ROBO2: variants seen among roughly 807,000 people sequenced by gnomAD.
ROBO2 encodes the protein roundabout homolog 2.
A neutral mutation model predicts 160.8 loss-of-function variants in ROBO2; 53 were observed. The ratio of observed to expected loss-of-function variants is 0.33; its 90% confidence interval spans 0.26 to 0.41. ROBO2 has a LOEUF of 0.41. Ranked by LOEUF, ROBO2 falls within the 10% of genes least tolerant of loss-of-function variation. The pLI, the probability that ROBO2 is intolerant of heterozygous loss-of-function variation, is 1.00. For missense variants in ROBO2, 1,577 were observed against 1,722.4 expected (o/e 0.92, Z 1.49); for synonymous variants, 664 against 611.7 (o/e 1.09, Z -1.26).
At chr3:76,076,999 G>A (rs942696646) in intron 2 of ROBO2, among the ~76,000 whole-genome samples, 1 of 152,074 alleles carries the variant, frequency 6.6e-6, no homozygotes, top group Non-Finnish European at 1.5e-5. Context: ...TTTAATTCGG[G>A]CTCTACTTCT....
intron 2 of ROBO2, among the ~76,000 whole-genome samples, chr3:77,259,412 G>A (rs2058637790): frequency 6.6e-6 from 1 of 152,120 alleles, no homozygotes; most frequent in Non-Finnish European, 1.5e-5. Context: ...TAAAATAGTG[G>A]TTGAATGAAT....
chr3:76,874,857 A>G (rs2072528868), intron 2 of ROBO2, among the ~76,000 whole-genome samples: 2 of 152,232 alleles, frequency 1.3e-5, no homozygotes, highest in Admixed American at 6.5e-5. Context: ...AGCCTAGACA[A>G]GAACACAGAT....
At chr3:77,491,252 A>C (rs2086070350) in intron 4 of ROBO2, among the ~76,000 whole-genome samples, 1 of 152,178 alleles carries the variant, frequency 6.6e-6, no homozygotes, top group African/African-American at 2.4e-5. Flanking sequence ...TAGCTTGTTC[A>C]TCCCAGTGTC....
At chr3:77,020,011 T>A (rs1346310641) in intron 2 of ROBO2, among the ~76,000 whole-genome samples, 1 of 152,192 alleles carries the variant, frequency 6.6e-6, no homozygotes, top group Non-Finnish European at 1.5e-5. Flanking sequence ...TGAGACACTG[T>A]ATATGATATG....
At chr3:77,116,958 A>G (rs1011877217) in intron 2 of ROBO2, among the ~76,000 whole-genome samples, 1 of 152,188 alleles carries the variant, frequency 6.6e-6, no homozygotes, top group African/African-American at 2.4e-5. Context: ...TTCAACAATA[A>G]CATGCTCAGC....
At chr3:76,065,039 G>A (rs1254216803) in intron 2 of ROBO2, among the ~76,000 whole-genome samples, 2 of 151,908 alleles carry the variant, frequency 1.3e-5, no homozygotes, top group Non-Finnish European at 2.9e-5. Context: ...CATATATAAG[G>A]AAATAGATAA....
intron 2 of ROBO2, among the ~76,000 whole-genome samples, chr3:77,272,365 G>A (rs1392475862): frequency 1.3e-5 from 2 of 152,164 alleles, no homozygotes; most frequent in African/African-American, 2.4e-5. Flanking sequence ...GGCAGAAGGT[G>A]AAGGGGAAGC....
At chr3:77,328,363 C>T (rs1228413546) in intron 2 of ROBO2, among the ~76,000 whole-genome samples, 1 of 152,186 alleles carries the variant, frequency 6.6e-6, no homozygotes, top group East Asian at 1.9e-4. Flanking sequence ...ACACAGAACA[C>T]AGTTTGCTAT....
chr3:77,546,290 T>G lies in ROBO2; in HGVS notation c.935-48T>G, dbSNP rs138063825. The G allele has an allele frequency of 1.1e-3, 1,692 of 1,603,688 alleles. 16 individuals are homozygous for G. In the African/African-American group the frequency reaches 0.021, roughly 20 times the overall value. On this transcript the variant is annotated intron_variant, in intron 6 of 25. Transcript: ENST00000461745. ...ATATTTTCTCCTTGACATATTTTTA[T>G]TTGTCTATGGTTGATATTTACACGC...
intron 2 of ROBO2, among the ~76,000 whole-genome samples, chr3:76,719,826 G>A (rs2093436995): frequency 6.6e-6 from 1 of 151,616 alleles, no homozygotes; most frequent in Non-Finnish European, 1.5e-5. Flanking sequence ...AGAGGTTGCG[G>A]TGAGCTGAGA....
chr3:76,880,020 G>A (rs2073172734), intron 2 of ROBO2, among the ~76,000 whole-genome samples: 1 of 152,062 alleles, frequency 6.6e-6, no homozygotes, highest in South Asian at 2.1e-4. Flanking sequence ...TAGGGCTTGG[G>A]TTTTACATGT....
intron 2 of ROBO2, among the ~76,000 whole-genome samples, chr3:77,165,799 G>A (rs1020060505): frequency 3.6e-4 from 55 of 152,176 alleles, no homozygotes; most frequent in African/African-American, 1.3e-3. Context: ...CTCTCATGCC[G>A]TATCTCAATC....
intron 2 of ROBO2, among the ~76,000 whole-genome samples, chr3:76,704,549 A>G (rs924645292): frequency 6.6e-6 from 1 of 152,256 alleles, no homozygotes; most frequent in South Asian, 2.1e-4. Context: ...ATCATAGATC[A>G]ATTTACTGGG....
rs181119313 is a variant in ROBO2, at chr3:77,343,292, T to G, written c.389-134122T>G. Among the ~76,000 whole-genome samples, 252 of 152,280 alleles carry G rather than the reference T, an allele frequency of 1.7e-3. 2 individuals carry two copies. Among genetic ancestry groups the G allele is most frequent in the African/African-American group, 5.6e-3 (233 of 41,574 alleles). On this transcript the variant is annotated intron_variant, in intron 2 of 25. Transcript: ENST00000461745. ...TAAGCAGAAGAGAGGACTGAATTTTTCTCTTCATGAAAATTTAAGAGCTCT... is the reference window on the plus strand; with the variant it reads ...TAAGCAGAAGAGAGGACTGAATTTTGCTCTTCATGAAAATTTAAGAGCTCT...
At chr3:76,247,417 A>G (rs1205049655) in intron 2 of ROBO2, among the ~76,000 whole-genome samples, 1 of 152,182 alleles carries the variant, frequency 6.6e-6, no homozygotes, top group Non-Finnish European at 1.5e-5. Flanking sequence ...ATTAGATCAC[A>G]TTAGCTTTCC....
intron 2 of ROBO2, among the ~76,000 whole-genome samples, chr3:77,007,933 A>C (rs530894753): frequency 6.6e-6 from 1 of 152,196 alleles, no homozygotes; most frequent in African/African-American, 2.4e-5. Flanking sequence ...GTTATTTTAA[A>C]TGAATTTCAA....
At chr3:77,046,446 G>A (rs968224267) in intron 1 of ROBO2, among the ~76,000 whole-genome samples, 4 of 152,112 alleles carry the variant, frequency 2.6e-5, no homozygotes, top group African/African-American at 9.7e-5. Context: ...GTCACTTTTA[G>A]CAGAGATCTC....
At chr3:77,289,989 G>A (rs1379849387) in intron 2 of ROBO2, among the ~76,000 whole-genome samples, 7 of 151,592 alleles carry the variant, frequency 4.6e-5, no homozygotes, top group Admixed American at 1.3e-4. Flanking sequence ...ATGGTTAAAC[G>A]GGTAAACTGA....
intron 2 of ROBO2, among the ~76,000 whole-genome samples, chr3:76,604,082 A>G (rs1473898585): frequency 6.6e-6 from 1 of 152,176 alleles, no homozygotes; most frequent in Non-Finnish European, 1.5e-5. Flanking sequence ...AGTAGATACT[A>G]AGTTCTGTGG....
Sources: allele counts gnomAD v4.1 joint callset (sites outside exome capture counted in the v4.1 genomes callset), GRCh38; gene constraint gnomAD v4.1.1; transcripts MANE v1.5; gene names NCBI Gene and HGNC (gene_info 2026-07-23, HGNC 2026-07-21).